Variants in TAF4B observed in about 807,000 individuals in gnomAD.
The protein encoded by TAF4B is transcription initiation factor TFIID subunit 4B.
In TAF4B, 38 loss-of-function variants were observed where a neutral mutation model predicts 86.4. The observed-to-expected ratio is 0.44, with a 90% CI of 0.34 to 0.58. The LOEUF (loss-of-function observed/expected upper bound fraction) is 0.58, where lower values mean the gene tolerates loss of function less well. Ranked by LOEUF, TAF4B falls within the 20% of genes least tolerant of loss-of-function variation. The pLI is 0.02. For synonymous variants in TAF4B, 388 were observed against 391.2 expected, an observed-to-expected ratio of 0.99 and a Z score of 0.10; for missense variants, 988 against 1,027.6, an observed-to-expected ratio of 0.96 and a Z score of 0.53.
At chr18:26,256,440 A>G in intron 1 of TAF4B, 1 of 778,638 alleles carries the variant, frequency 1.3e-6, no homozygotes, top group Non-Finnish European at 2.2e-6. Flanking sequence ...ACGCCAGGCC[A>G]GTCCCCCTCA....
intron 14 of TAF4B, among the ~76,000 whole-genome samples, chr18:26,374,703 A>G (rs528944162): frequency 1.3e-5 from 2 of 152,298 alleles, no homozygotes; most frequent in South Asian, 2.1e-4. Flanking sequence ...CAGATTTTCA[A>G]TTAATGTTAT....
chr18:26,292,518 A>T (rs952417465), intron 8 of TAF4B, 137 bp downstream of exon 8: 19 of 928,050 alleles, frequency 2.0e-5, no homozygotes, highest in Middle Eastern at 2.3e-4. Flanking sequence ...AAACAGAAAG[A>T]TAATCGTTAG....
At chr18:26,275,537 A>AG in intron 5 of TAF4B, among the ~76,000 whole-genome samples, 1 of 152,332 alleles carries the variant, frequency 6.6e-6, no homozygotes, top group African/African-American at 2.4e-5. Flanking sequence ...AATCTTGGCT[A>AG]GAAAAACCTA....
chr18:26,279,755 G>A (rs2056425135), intron 5 of TAF4B, among the ~76,000 whole-genome samples: 1 of 151,980 alleles, frequency 6.6e-6, no homozygotes, highest in African/African-American at 2.4e-5. Flanking sequence ...ATAAGTAATG[G>A]GGCCTGGCCA....
At chr18:26,281,130 G>C (rs562523751) in intron 5 of TAF4B, among the ~76,000 whole-genome samples, 1 of 152,156 alleles carries the variant, frequency 6.6e-6, no homozygotes, top group Admixed American at 6.5e-5. Context: ...ATAGACACTG[G>C]GAACTACTAG....
chr18:26,355,071 A>G (rs1203393004), intron 13 of TAF4B, among the ~76,000 whole-genome samples: 1 of 152,122 alleles, frequency 6.6e-6, no homozygotes, highest in African/African-American at 2.4e-5. Context: ...TTTCATAGGC[A>G]TTTTGTGATT....
rs780435953 is a variant in TAF4B, at chr18:26,315,415, GATT to G, written c.2002+21_2002+23del. ...TAGACATTGGTAAGTGTAGAGTTAT[GATT>G]ATTGACCTGATAGAGATGTCTGTTT... On this transcript the variant is annotated intron_variant, in intron 10 of 14. Coordinates refer to ENST00000269142, the MANE Select transcript of TAF4B (RefSeq NM_005640.3). 3 of 1,592,292 alleles carry G rather than the reference GATT, an allele frequency of 1.9e-6. No homozygotes were observed. Among genetic ancestry groups the G allele is most frequent in the Non-Finnish European group, 2.6e-6 (3 of 1,169,148 alleles).
intron 1 of TAF4B, among the ~76,000 whole-genome samples, chr18:26,235,317 C>T (rs2055732809): frequency 6.6e-6 from 1 of 152,070 alleles, no homozygotes; most frequent in African/African-American, 2.4e-5. Flanking sequence ...GGAACCCCCG[C>T]AACTGTTTTA....
intron 14 of TAF4B, among the ~76,000 whole-genome samples, chr18:26,388,642 C>T (rs976899865): frequency 2.0e-5 from 3 of 152,148 alleles, no homozygotes; most frequent in Non-Finnish European, 2.9e-5. Flanking sequence ...GGCCTCTTTG[C>T]TAATCTCTGC....
chr18:26,389,824 T>C, intron 14 of TAF4B, 21 bp from the exon 15 acceptor site: 1 of 1,600,332 alleles, frequency 6.2e-7, no homozygotes, highest in Non-Finnish European at 8.5e-7. Flanking sequence ...TTCAAATTGC[T>C]TTTCCTTTTA....
At chr18:26,264,079 G>T (rs1228931778) in intron 1 of TAF4B, among the ~76,000 whole-genome samples, 2 of 152,120 alleles carry the variant, frequency 1.3e-5, no homozygotes, top group Admixed American at 1.3e-4. Context: ...AAATTGCCTT[G>T]GGGAGTGCCT....
At chr18:26,271,111 G>A (rs1370530953) in intron 3 of TAF4B, among the ~76,000 whole-genome samples, 1 of 152,192 alleles carries the variant, frequency 6.6e-6, no homozygotes, top group East Asian at 1.9e-4. Context: ...CTCAGTTTTA[G>A]GCATGGAAAT....
chr18:26,243,421 T>C (rs1319459704), intron 1 of TAF4B, among the ~76,000 whole-genome samples: 1 of 152,228 alleles, frequency 6.6e-6, no homozygotes, highest in Non-Finnish European at 1.5e-5. Flanking sequence ...GCCATGGTTT[T>C]CAGCTCCCTC....
chr18:26,332,184 G>A (rs978626089), intron 12 of TAF4B, among the ~76,000 whole-genome samples: 1 of 152,196 alleles, frequency 6.6e-6, no homozygotes, highest in Non-Finnish European at 1.5e-5. Flanking sequence ...AATCCCAGGA[G>A]TCATCCTTGA....
intron 9 of TAF4B, among the ~76,000 whole-genome samples, chr18:26,309,703 A>T (rs1369729459): frequency 6.6e-6 from 1 of 152,158 alleles, no homozygotes; most frequent in African/African-American, 2.4e-5. Flanking sequence ...ATGCAGTTTT[A>T]GTTTCTAATA....
intron 13 of TAF4B, among the ~76,000 whole-genome samples, chr18:26,346,773 A>ATATATATATATGTGTG (rs1404902479): frequency 4.1e-5 from 1 of 24,108 alleles, no homozygotes; most frequent in Non-Finnish European, 9.9e-5. Flanking sequence ...ATATATATAT[A>ATATATATATATGTGTG]TGTGTGTGTA....
At chr18:26,387,805 G>T (rs1978464411) in intron 14 of TAF4B, among the ~76,000 whole-genome samples, 1 of 152,102 alleles carries the variant, frequency 6.6e-6, no homozygotes. Flanking sequence ...AACTTAATGA[G>T]TATAAAAATA....
chr18:26,331,897 G>C (rs945439117), intron 12 of TAF4B, among the ~76,000 whole-genome samples: 2 of 152,128 alleles, frequency 1.3e-5, no homozygotes, highest in Admixed American at 1.3e-4. Flanking sequence ...AAAGCCTCCA[G>C]TGGCTTCCTG....
chr18:26,367,028 T>C (rs1255108033), intron 14 of TAF4B, among the ~76,000 whole-genome samples: 1 of 152,204 alleles, frequency 6.6e-6, no homozygotes, highest in East Asian at 1.9e-4. Flanking sequence ...AGAACCCAAG[T>C]ACATGTCCAA....
Sources: allele counts gnomAD v4.1 joint callset (sites outside exome capture counted in the v4.1 genomes callset), GRCh38; gene constraint gnomAD v4.1.1; transcripts MANE v1.5; gene names NCBI Gene and HGNC (gene_info 2026-07-23, HGNC 2026-07-21).